The following ATG10 variants were observed in gnomAD, a reference collection of about 807,000 sequenced individuals.
The protein encoded by ATG10 is ubiquitin-like-conjugating enzyme ATG10.
ATG10 carries 30 observed loss-of-function variants against 32.1 expected under a neutral mutation model. That is an observed-to-expected ratio of 0.94 (90% CI 0.70 to 1.27). The LOEUF is 1.27. ATG10 is among the 50% of genes most tolerant of loss of function. The pLI is 0.00. For synonymous variants in ATG10, 87 were observed against 91.5 expected (o/e 0.95, Z 0.28); for missense variants, 233 against 262.3 (o/e 0.89, Z 0.77).
At chr5:82,109,827 A>T (rs980473520) in intron 3 of ATG10, among the ~76,000 whole-genome samples, 2 of 151,092 alleles carry the variant, frequency 1.3e-5, no homozygotes, top group African/African-American at 4.9e-5. Context: ...TTATACTTTT[A>T]AGTTCTAGGG....
chr5:82,240,266 A>G (rs151243657), intron 5 of ATG10, among the ~76,000 whole-genome samples: 1 of 152,366 alleles, frequency 6.6e-6, no homozygotes, highest in African/African-American at 2.4e-5. Flanking sequence ...TAGAAAATCA[A>G]CCTAAGTGTC....
intron 2 of ATG10, among the ~76,000 whole-genome samples, chr5:82,016,470 T>C (rs1762289610): frequency 6.6e-6 from 1 of 152,206 alleles, no homozygotes. Context: ...CATGCTGTTT[T>C]GGTGACTATG....
At chr5:82,032,134 C>T (rs1420907142) in intron 2 of ATG10, among the ~76,000 whole-genome samples, 2 of 152,216 alleles carry the variant, frequency 1.3e-5, no homozygotes, top group Admixed American at 6.5e-5. Context: ...TAAGGTGTAA[C>T]TGACAAATAT....
chr5:82,042,383 C>A (rs1226979974), intron 2 of ATG10, among the ~76,000 whole-genome samples: 2 of 152,142 alleles, frequency 1.3e-5, no homozygotes, highest in African/African-American at 4.8e-5. Context: ...TCTTACCAGG[C>A]CCCTCCTACA....
At chr5:82,046,978 T>C (rs1163665482) in intron 2 of ATG10, among the ~76,000 whole-genome samples, 1 of 151,314 alleles carries the variant, frequency 6.6e-6, no homozygotes, top group East Asian at 1.9e-4. Flanking sequence ...TTAGGTCATC[T>C]GTGTTTTTTT....
chr5:82,208,857 G>A lies in ATG10; in HGVS notation c.453+30270G>A, dbSNP rs563906819. Among the ~76,000 whole-genome samples, 348 of 152,234 alleles carry A rather than the reference G, an allele frequency of 2.3e-3. 1 individual carries two copies. Among genetic ancestry groups the A allele is most frequent in the African/African-American group, 8.0e-3 (331 of 41,554 alleles). On this transcript the variant is annotated intron_variant, in intron 5 of 7. Coordinates refer to ENST00000282185, the MANE Select transcript of ATG10 (RefSeq NM_031482.5). ...TATTCTGGGGAAAAAATACAACTTC[G>A]TTGTAATATAGTATCCCTTTAATGT...
chr5:82,127,116 T>C (rs190988526), intron 3 of ATG10, among the ~76,000 whole-genome samples: 1 of 152,310 alleles, frequency 6.6e-6, no homozygotes, highest in East Asian at 1.9e-4. Context: ...TTCTGTGGGA[T>C]TGGTGGTGAT....
At chr5:81,979,967 C>T (rs548743555) in intron 1 of ATG10, among the ~76,000 whole-genome samples, 1 of 151,844 alleles carries the variant, frequency 6.6e-6, no homozygotes, top group Non-Finnish European at 1.5e-5. Context: ...AAACAATATG[C>T]ATTATTTTCA....
Position 82,255,986 on chromosome 5 carries a change from G to A in ATG10, c.*1923G>A, listed in dbSNP as rs1030784829. 2.0e-5 allele frequency: 3 copies of A among 152,164 alleles called. No individual in the cohort carries two copies. 9.4% of individuals were successfully genotyped at this position (152,164 alleles called of 1,614,324 possible). A position where few individuals can be genotyped will look rare whatever the true frequency, so the allele number is the denominator to read the frequency against. On this transcript the variant is annotated 3_prime_UTR_variant, in exon 8 of 8. Transcript: ENST00000282185. ...ATGAGAGCCGGCTTAAATGCTTGCT[G>A]GGCATTTTGGTATTTACCACTTAGC... is the stretch of plus-strand genomic sequence containing the variant.
intron 3 of ATG10, chr5:82,147,255 G>A (rs767593862): frequency 5.1e-5 from 12 of 233,188 alleles, no homozygotes; most frequent in South Asian, 3.6e-4. Flanking sequence ...TGCAACCTCC[G>A]CCTTCTGGGT....
chr5:82,198,374 C>T (rs1237109169), intron 5 of ATG10, among the ~76,000 whole-genome samples: 2 of 152,254 alleles, frequency 1.3e-5, no homozygotes, highest in Non-Finnish European at 2.9e-5. Context: ...TGTGCCTCCA[C>T]CACCCAACAT....
rs1456530469 is a variant in ATG10, at chr5:82,081,194, T to C, written c.216+22592T>C. Among the ~76,000 whole-genome samples the C allele has an allele frequency of 3.3e-5, 5 of 152,220 alleles. No individual in the cohort carries two copies. The East Asian group carries it at 9.6e-4, about 29-fold the overall frequency. On this transcript the variant is annotated intron_variant, in intron 3 of 7. Coordinates refer to ENST00000282185, the MANE Select transcript of ATG10 (RefSeq NM_031482.5). ...TGGTGTATAAGAATGCTTGTGATTT[T>C]TGCACATTGATTTTGTATCCTGAGA...
chr5:81,972,652 CAG>C (rs937730424), intron 1 of ATG10: 10 of 152,208 alleles, frequency 6.6e-5, no homozygotes, highest in African/African-American at 1.4e-4. Context: ...TTGGTTGAAA[CAG>C]TATTAAATTA....
intron 2 of ATG10, among the ~76,000 whole-genome samples, chr5:81,997,810 C>T (rs1032910633): frequency 6.6e-6 from 1 of 151,920 alleles, no homozygotes; most frequent in Non-Finnish European, 1.5e-5. Context: ...ACTGGTTCTT[C>T]AAAATAACTC....
At chr5:82,057,423 CT>C (rs1443438789) in intron 2 of ATG10, among the ~76,000 whole-genome samples, 3 of 152,162 alleles carry the variant, frequency 2.0e-5, no homozygotes, top group Non-Finnish European at 4.4e-5. Context: ...TTCCTTACTG[CT>C]TCTAGCTTCC....
intron 3 of ATG10, among the ~76,000 whole-genome samples, chr5:82,141,527 A>G (rs2149865065): frequency 6.6e-6 from 1 of 152,318 alleles, no homozygotes; most frequent in Non-Finnish European, 1.5e-5. Flanking sequence ...ATGAAGAAGT[A>G]ATGCTAAATT....
At chr5:82,102,019 A>G (rs1581691644) in intron 3 of ATG10, among the ~76,000 whole-genome samples, 1 of 152,208 alleles carries the variant, frequency 6.6e-6, no homozygotes, top group East Asian at 1.9e-4. Context: ...CTGTGGACAC[A>G]TACTGACTTC....
In ATG10 at chr5:82,042,213, G is replaced by A. The variant is rs1471479042; in HGVS notation, c.109-16282G>A. On this transcript the variant is annotated intron_variant, in intron 2 of 7. Coordinates refer to ENST00000282185, the MANE Select transcript of ATG10 (RefSeq NM_031482.5). ...CTGACAGTCATGGCAGAAGGTGAGG[G>A]GGAAGCATGCACATCTTCACAATAG... Among the ~76,000 whole-genome samples the A allele has an allele frequency of 2.6e-5, 4 of 152,168 alleles. No individual in the cohort carries two copies. The South Asian group carries it at 6.2e-4, about 24-fold the overall frequency.
chr5:82,080,374 C>A (rs977611643), intron 3 of ATG10, among the ~76,000 whole-genome samples: 2 of 152,110 alleles, frequency 1.3e-5, no homozygotes, highest in Non-Finnish European at 2.9e-5. Context: ...GAATTAGATC[C>A]CATTTGTCTA....
Sources: allele counts gnomAD v4.1 joint callset (sites outside exome capture counted in the v4.1 genomes callset), GRCh38; gene constraint gnomAD v4.1.1; transcripts MANE v1.5; gene names NCBI Gene and HGNC (gene_info 2026-07-23, HGNC 2026-07-21).